The following COBL variants were observed in gnomAD, a reference collection of about 807,000 sequenced individuals.
COBL encodes cordon-bleu WH2 repeat protein, also known as protein cordon-bleu.
Under a neutral mutation model 98.8 loss-of-function variants are expected in COBL, and 51 were observed. The observed-to-expected ratio is 0.52, with a 90% CI of 0.41 to 0.65. COBL has a LOEUF of 0.65. Among genes scored for constraint, COBL ranks in the 30% least tolerant of loss-of-function variants. The pLI, the probability that COBL is intolerant of heterozygous loss-of-function variation, is 0.00. For missense variants in COBL, 1,617 were observed against 1,617.5 expected (o/e 1.00, Z 0.01); for synonymous variants, 634 against 651.7 (o/e 0.97, Z 0.41).
chr7:51,069,926 C>T (rs1338971235), intron 7 of COBL, among the ~76,000 whole-genome samples: 3 of 152,144 alleles, frequency 2.0e-5, no homozygotes, highest in Non-Finnish European at 4.4e-5. Flanking sequence ...ACAGTGTGTC[C>T]AGTCTAAATA....
rs1790290089 is a variant in COBL at position 51,193,291 on chromosome 7, G to A, written c.456+88C>T. 13 of 1,192,796 alleles carry A rather than the reference G, an allele frequency of 1.1e-5. No homozygotes were observed. The Admixed American group carries it at 2.4e-4, about 22-fold the overall frequency. 73.9% of individuals were successfully genotyped at this position (1,192,796 alleles called of 1,614,324 possible). A position where few individuals can be genotyped will look rare whatever the true frequency, so the allele number is the denominator to read the frequency against. On this transcript the variant is annotated intron_variant, in intron 3 of 12. Transcript: ENST00000265136. ...AGCCTCAGCCACAGCTCTCTGCACTGTACTTTGATAAGAAGAGCCACACTG... is the reference window on the plus strand; with the variant it reads ...AGCCTCAGCCACAGCTCTCTGCACTATACTTTGATAAGAAGAGCCACACTG...
At chr7:51,061,844 C>A (rs1713459288) in intron 7 of COBL, among the ~76,000 whole-genome samples, 1 of 151,972 alleles carries the variant, frequency 6.6e-6, no homozygotes, top group Non-Finnish European at 1.5e-5. Context: ...ATCTCATCAC[C>A]AGCTTTCCGG....
chr7:51,175,729 C>T (rs1788306345), intron 5 of COBL, among the ~76,000 whole-genome samples: 1 of 152,220 alleles, frequency 6.6e-6, no homozygotes, highest in Admixed American at 6.5e-5. Flanking sequence ...AGAAGGTTAA[C>T]ATCCAGGGAG....
intron 5 of COBL, among the ~76,000 whole-genome samples, chr7:51,178,506 T>C: frequency 6.6e-6 from 1 of 152,164 alleles, no homozygotes; most frequent in East Asian, 1.9e-4. Flanking sequence ...GGTTTTCATA[T>C]AGTATTGATA....
chr7:51,258,527 G>C (rs1797400700), intron 1 of COBL, among the ~76,000 whole-genome samples: 1 of 152,176 alleles, frequency 6.6e-6, no homozygotes, highest in South Asian at 2.1e-4. Context: ...GATGAGAGGT[G>C]CTTGCCATGA....
chr7:51,291,653 C>T (rs756888052), intron 1 of COBL, among the ~76,000 whole-genome samples: 4 of 151,722 alleles, frequency 2.6e-5, no homozygotes, highest in African/African-American at 7.3e-5. Flanking sequence ...CCCAGCTACT[C>T]GGGTGGCTGA....
intron 1 of COBL, among the ~76,000 whole-genome samples, chr7:51,315,271 A>AAAAAAG (rs200099399): frequency 6.6e-6 from 1 of 151,772 alleles, no homozygotes; most frequent in Non-Finnish European, 1.5e-5. Context: ...AAAAAAAAAA[A>AAAAAAG]AGAGAGAGAG....
In COBL at chr7:51,314,744, T is replaced by G. The variant is rs927016619; in HGVS notation, c.41+1849A>C. ...GACAAAGATGTTCGGACAAGTAAAT[T>G]AGACACTGGATATGAGTGAGGGAAA... On this transcript the variant is annotated intron_variant, in intron 1 of 12. Transcript: ENST00000265136. Among the ~76,000 whole-genome samples the G allele has an allele frequency of 3.9e-5, 6 of 152,336 alleles. No homozygotes were observed. In the South Asian group the frequency reaches 8.3e-4, roughly 21 times the overall value.
intron 5 of COBL, among the ~76,000 whole-genome samples, chr7:51,157,339 C>T (rs957829471): frequency 6.6e-6 from 1 of 152,228 alleles, no homozygotes; most frequent in Non-Finnish European, 1.5e-5. Context: ...TGCCACTGCA[C>T]TCCAGCCTGG....
At chr7:51,252,146 C>T (rs1457435088) in intron 1 of COBL, among the ~76,000 whole-genome samples, 1 of 152,130 alleles carries the variant, frequency 6.6e-6, no homozygotes, top group Non-Finnish European at 1.5e-5. Context: ...TTAGAACACT[C>T]TCCCCTGTGC....
intron 5 of COBL, among the ~76,000 whole-genome samples, chr7:51,170,509 A>T (rs1787747766): frequency 7.7e-6 from 1 of 130,610 alleles, no homozygotes. Flanking sequence ...ACACTGTGAT[A>T]TATATATATA....
At chr7:51,202,939 G>T (rs529506614) in intron 2 of COBL, among the ~76,000 whole-genome samples, 1 of 152,274 alleles carries the variant, frequency 6.6e-6, no homozygotes, top group East Asian at 1.9e-4. Context: ...TACTTGGAAG[G>T]CTGAGGCAGG....
intron 5 of COBL, among the ~76,000 whole-genome samples, chr7:51,155,985 T>C (rs1372618001): frequency 6.6e-6 from 1 of 152,164 alleles, no homozygotes; most frequent in Admixed American, 6.6e-5. Context: ...AATCATAGTT[T>C]CTCCATAAAC....
intron 7 of COBL, among the ~76,000 whole-genome samples, chr7:51,070,079 CA>C (rs961577348): frequency 6.6e-6 from 1 of 152,078 alleles, no homozygotes; most frequent in Non-Finnish European, 1.5e-5. Context: ...AGGGTTATAA[CA>C]TAAAGCCTTT....
intron 1 of COBL, among the ~76,000 whole-genome samples, chr7:51,270,044 G>A (rs1310048803): frequency 6.6e-6 from 1 of 152,184 alleles, no homozygotes; most frequent in East Asian, 1.9e-4. Context: ...GTTTTCAGCT[G>A]CGGCCTATTT....
intron 6 of COBL, among the ~76,000 whole-genome samples, chr7:51,100,263 C>A (rs1386130232): frequency 6.6e-6 from 1 of 152,214 alleles, no homozygotes; most frequent in Non-Finnish European, 1.5e-5. Flanking sequence ...GCCACGATTT[C>A]ACTTACTCCT....
chr7:51,063,635 A>G (rs2128913742), intron 7 of COBL, among the ~76,000 whole-genome samples: 1 of 152,326 alleles, frequency 6.6e-6, no homozygotes, highest in East Asian at 1.9e-4. Context: ...ACCCTGAGGA[A>G]ACCTGGTGCC....
chr7:51,290,268 T>C (rs529024413), intron 1 of COBL, among the ~76,000 whole-genome samples: 4 of 152,176 alleles, frequency 2.6e-5, no homozygotes, highest in Admixed American at 2.6e-4. Flanking sequence ...CAGAGGACAA[T>C]GTGTGCCATC....
intron 7 of COBL, among the ~76,000 whole-genome samples, chr7:51,067,777 G>C (rs1209460717): frequency 6.6e-6 from 1 of 152,244 alleles, no homozygotes; most frequent in Non-Finnish European, 1.5e-5. Context: ...CATAAATGCA[G>C]CAAAGCCCCA....
Sources: allele counts gnomAD v4.1 joint callset (sites outside exome capture counted in the v4.1 genomes callset), GRCh38; gene constraint gnomAD v4.1.1; transcripts MANE v1.5; gene names NCBI Gene and HGNC (gene_info 2026-07-23, HGNC 2026-07-21).